The following EIF3J variants were observed in gnomAD, a reference collection of about 807,000 sequenced individuals.
The protein encoded by EIF3J is eukaryotic translation initiation factor 3, subunit 1 (alpha, 35kD).
A neutral mutation model predicts 39.0 loss-of-function variants in EIF3J; 15 were observed. The ratio of observed to expected loss-of-function variants is 0.38; its 90% CI spans 0.26 to 0.59. The LOEUF is 0.59. Among genes scored for constraint, EIF3J ranks in the 20% least tolerant of loss-of-function variants. The pLI is 0.60. For missense variants in EIF3J, 226 were observed against 308.6 expected (o/e 0.73, Z 2.00); for synonymous variants, 98 against 112.9 (o/e 0.87, Z 0.84).
chr15:44,548,593 G>T (rs562179931), intron 2 of EIF3J, among the ~76,000 whole-genome samples: 1 of 152,296 alleles, frequency 6.6e-6, no homozygotes, highest in South Asian at 2.1e-4. Context: ...ACTGGGTATT[G>T]TATAAACAAC....
intron 2 of EIF3J, 113 bp from the exon 3 acceptor site, chr15:44,550,763 T>G (rs1021990263): frequency 4.1e-6 from 3 of 725,720 alleles, no homozygotes; most frequent in Non-Finnish European, 7.1e-6. Flanking sequence ...ATAAATTTAA[T>G]GCAGTACAAA....
chr15:44,548,967 G>GA (rs922978076), intron 2 of EIF3J, among the ~76,000 whole-genome samples: 1 of 150,538 alleles, frequency 6.6e-6, no homozygotes, highest in African/African-American at 2.4e-5. Context: ...AGCCATTTGG[G>GA]AAAAAAATGA....
chr15:44,548,786 C>T (rs1331400702), intron 2 of EIF3J, among the ~76,000 whole-genome samples: 1 of 152,086 alleles, frequency 6.6e-6, no homozygotes, highest in Non-Finnish European at 1.5e-5. Context: ...ATTAATAATT[C>T]ATTCATGAGG....
intron 2 of EIF3J, among the ~76,000 whole-genome samples, chr15:44,544,340 C>T (rs2082036272): frequency 6.6e-6 from 1 of 151,442 alleles, no homozygotes; most frequent in Admixed American, 6.6e-5. Flanking sequence ...TCAGGTATTC[C>T]ACCCACCTTG....
rs549986449 is a variant in EIF3J, at chr15:44,549,773, A to C, written c.148-1103A>C. Among the ~76,000 whole-genome samples the C allele has an allele frequency of 1.2e-3, 182 of 148,782 alleles. 1 individual carries two copies. Among genetic ancestry groups the C allele is most frequent in the African/African-American group, 4.1e-3 (163 of 39,686 alleles). ...GAACGAGACTCCGTCTCAAAAAAAA[A>C]AAAAAAAAAAAAAAAAACCATTTCT... is the stretch of plus-strand genomic sequence containing the variant. On this transcript the variant is annotated intron_variant, in intron 2 of 7. Transcript: ENST00000261868.
At chr15:44,560,937 G>A in intron 7 of EIF3J, 81 bp from the exon 8 acceptor site, 7 of 1,426,368 alleles carry the variant, frequency 4.9e-6, no homozygotes, top group Middle Eastern at 1.8e-4. Context: ...GTTTTTGTGT[G>A]TTTGTTTATG....
chr15:44,539,785 T>A (rs1340279111), intron 2 of EIF3J, among the ~76,000 whole-genome samples: 1 of 146,916 alleles, frequency 6.8e-6, no homozygotes, highest in East Asian at 2.1e-4. Context: ...TCTAATTTTT[T>A]GAGAGAAGGT....
At position 44,561,844 on chromosome 15, in the gene EIF3J, G is replaced by A. The variant is rs1405427064; in HGVS notation, c.*695G>A. 6.6e-6 allele frequency: 1 copy of A among 152,600 alleles called. No homozygotes were observed. The highest frequency in any genetic ancestry group is 2.4e-5 in the African/African-American group (1 of 41,432). The allele number at this position is 152,600 out of a possible 1,614,324, so 9.5% of individuals were successfully genotyped here. On this transcript the variant is annotated 3_prime_UTR_variant, in exon 8 of 8. Transcript: ENST00000261868. ...TTTCTACTGATGAACTGCTTCAGGT[G>A]GGGGAGGGAAACTTATTTTTATTTG...
Position 44,561,219 on chromosome 15 carries a change from T to G in EIF3J, c.*70T>G, listed in dbSNP as rs2082191674. The G allele has an allele frequency of 2.0e-6, 3 of 1,518,626 alleles. No homozygotes were observed. Among genetic ancestry groups the G allele is most frequent in the Admixed American group, 1.9e-5 (1 of 53,264 alleles). 94.1% of individuals were successfully genotyped at this position (1,518,626 alleles called of 1,614,324 possible). ...CTTGAACATGTAGCACAACTTCCTTTCCTTTCAGTTCTGCCAAATGCTACA... is the reference window on the plus strand; with the variant it reads ...CTTGAACATGTAGCACAACTTCCTTGCCTTTCAGTTCTGCCAAATGCTACA... On this transcript the variant is annotated 3_prime_UTR_variant, in exon 8 of 8. Coordinates refer to ENST00000261868, the MANE Select transcript of EIF3J (RefSeq NM_003758.4).
intron 2 of EIF3J, among the ~76,000 whole-genome samples, chr15:44,543,082 G>A (rs1320608502): frequency 6.6e-6 from 1 of 152,156 alleles, no homozygotes; most frequent in Non-Finnish European, 1.5e-5. Context: ...AAAAAATTGG[G>A]CATATTTTTT....
chr15:44,551,196 G>T (rs2082096036), intron 3 of EIF3J, among the ~76,000 whole-genome samples: 2 of 152,166 alleles, frequency 1.3e-5, no homozygotes, highest in South Asian at 4.1e-4. Flanking sequence ...ATAGTTGAAT[G>T]ATCTAAGCCC....
intron 3 of EIF3J, 68 bp from the exon 4 acceptor site, chr15:44,551,363 C>T: frequency 1.0e-6 from 1 of 1,001,588 alleles, no homozygotes; most frequent in South Asian, 1.6e-5. Flanking sequence ...ATACAAGTAT[C>T]ATGTCTGTCT....
rs935765031 is a variant in EIF3J, at chr15:44,560,158, A to T, written c.572-91A>T. The T allele has an allele frequency of 6.5e-5, 62 of 959,252 alleles. 1 individual carries two copies. The East Asian group carries it at 1.5e-3, about 24-fold the overall frequency. 59.4% of individuals were successfully genotyped at this position (959,252 alleles called of 1,614,324 possible). On this transcript the variant is annotated intron_variant, in intron 6 of 7. Coordinates refer to ENST00000261868, the MANE Select transcript of EIF3J (RefSeq NM_003758.4). ...ACTTTTGGAATGTACATTTTGGGAT[A>T]TATAGATATATATGGAATGTACATA...
chr15:44,557,486 C>T lies in EIF3J; in HGVS notation c.410-3C>T, dbSNP rs1793794522. On this transcript the variant is annotated splice_region_variant and splice_polypyrimidine_tract_variant and intron_variant, in intron 5 of 7. Transcript: ENST00000261868. ...ACTTTTCAGTGCTTCTTTTCTCCTACAGGTGTTAATAATGCAGTTTATGGA... is the reference window on the plus strand; with the variant it reads ...ACTTTTCAGTGCTTCTTTTCTCCTATAGGTGTTAATAATGCAGTTTATGGA... 1.3e-6 allele frequency: 2 copies of T among 1,504,876 alleles called. No individual in the cohort carries two copies. Among genetic ancestry groups the T allele is most frequent in the South Asian group, 2.8e-5 (2 of 71,118 alleles). 93.2% of individuals were successfully genotyped at this position (1,504,876 alleles called of 1,614,324 possible). A position where few individuals can be genotyped will look rare whatever the true frequency, so the allele number is the denominator to read the frequency against.
At chr15:44,549,953 C>CAAAAAA (rs761682769) in intron 2 of EIF3J, among the ~76,000 whole-genome samples, 1 of 95,628 alleles carries the variant, frequency 1.0e-5, no homozygotes. Context: ...AACTCCGTCT[C>CAAAAAA]AAAAAAAAAA....
At position 44,546,807 on chromosome 15, in the gene EIF3J, A is replaced by G. The variant is rs552638319; in HGVS notation, c.148-4069A>G. Among the ~76,000 whole-genome samples, 8 of 141,094 alleles carry G rather than the reference A, an allele frequency of 5.7e-5. No homozygotes were observed. The South Asian group carries it at 1.5e-3, about 26-fold the overall frequency. The allele number at this position is 141,094 out of a possible 152,430, so 92.6% of individuals were successfully genotyped here. On this transcript the variant is annotated intron_variant, in intron 2 of 7. Transcript: ENST00000261868. ...ATTGAGTTAGGCATAGAAAAAACAG[A>G]GTATAGATCTTTTTTTTTTTTTTTT...
Position 44,562,089 on chromosome 15 carries a change from A to ATTT in EIF3J, c.*942_*944dup, listed in dbSNP as rs1384147454. ...TAAAATCACTGTTGTGAGGACTTAA[A>ATTT]TTTTGTGTTACCTCCCAAGAGATAC... On this transcript the variant is annotated 3_prime_UTR_variant, in exon 8 of 8. Transcript: ENST00000261868. 6.6e-6 allele frequency: 1 copy of ATTT among 152,638 alleles called. No individual in the cohort carries two copies. The highest frequency in any genetic ancestry group is 1.5e-5 in the Non-Finnish European group (1 of 68,036). 9.5% of individuals were successfully genotyped at this position (152,638 alleles called of 1,614,324 possible). A position where few individuals can be genotyped will look rare whatever the true frequency, so the allele number is the denominator to read the frequency against.
At chr15:44,551,841 T>G (rs995175978) in intron 4 of EIF3J, among the ~76,000 whole-genome samples, 8 of 148,280 alleles carry the variant, frequency 5.4e-5, no homozygotes, top group Non-Finnish European at 1.0e-4. Flanking sequence ...TTTTGTTTTT[T>G]TTTTTTGGAG....
At chr15:44,539,766 A>G (rs1333233673) in intron 2 of EIF3J, among the ~76,000 whole-genome samples, 8 of 120,592 alleles carry the variant, frequency 6.6e-5, no homozygotes, top group Non-Finnish European at 1.2e-4. Flanking sequence ...AAAGCAATCT[A>G]TCTATTCATC....
Sources: gnomAD v4.1 joint callset for allele counts (sites outside exome capture counted in the v4.1 genomes callset) on GRCh38, gnomAD v4.1.1 for gene constraint, MANE v1.5 for transcripts, NCBI Gene and HGNC (gene_info 2026-07-23, HGNC 2026-07-21) for gene names.